Variants in LRRC4C observed in about 807,000 individuals in gnomAD.
LRRC4C encodes the protein leucine rich repeat containing 4C.
A neutral mutation model predicts 33.6 loss-of-function variants in LRRC4C; 5 were observed. The ratio of observed to expected loss-of-function variants is 0.15; its 90% CI spans 0.08 to 0.31. The LOEUF is 0.31. Among genes scored for constraint, LRRC4C ranks in the 10% least tolerant of loss-of-function variants. LRRC4C has a pLI of 1.00. For missense variants in LRRC4C, 560 were observed against 796.7 expected, an observed-to-expected ratio of 0.70 and a Z score of 3.58; for synonymous variants, 329 against 302.0, an observed-to-expected ratio of 1.09 and a Z score of -0.93.
intron 3 of LRRC4C, among the ~76,000 whole-genome samples, chr11:40,610,267 C>T (rs991132606): frequency 1.9e-4 from 29 of 151,420 alleles, no homozygotes; most frequent in Admixed American, 4.6e-4. Context: ...ATGAACTAAA[C>T]GAAAGATAAA....
intron 1 of LRRC4C, among the ~76,000 whole-genome samples, chr11:41,335,298 G>C (rs1388472789): frequency 1.3e-5 from 2 of 152,168 alleles, no homozygotes; most frequent in Non-Finnish European, 2.9e-5. Context: ...AAAAATATTA[G>C]AGTAGTAAAT....
chr11:40,148,795 A>G (rs1189822221), intron 5 of LRRC4C, among the ~76,000 whole-genome samples: 1 of 152,146 alleles, frequency 6.6e-6, no homozygotes, highest in African/African-American at 2.4e-5. Context: ...ATTGTCTTCC[A>G]GAGTTTTTAT....
At chr11:40,679,229 G>C (rs1016393600) in intron 2 of LRRC4C, among the ~76,000 whole-genome samples, 4 of 152,122 alleles carry the variant, frequency 2.6e-5, no homozygotes, top group Non-Finnish European at 4.4e-5. Context: ...AAGCAGCAAA[G>C]AATTCAAGAG....
intron 2 of LRRC4C, among the ~76,000 whole-genome samples, chr11:40,720,973 A>C (rs920084508): frequency 3.3e-5 from 5 of 152,296 alleles, no homozygotes; most frequent in Admixed American, 2.6e-4. Context: ...GAGCCTATTC[A>C]TTATAGGAAG....
intron 4 of LRRC4C, among the ~76,000 whole-genome samples, chr11:40,271,585 C>T (rs1327573860): frequency 2.6e-5 from 4 of 152,120 alleles, no homozygotes; most frequent in Non-Finnish European, 4.4e-5. Flanking sequence ...GAAACAGCTT[C>T]GATGAATGTA....
intron 1 of LRRC4C, among the ~76,000 whole-genome samples, chr11:41,122,660 T>A (rs1398932086): frequency 6.6e-6 from 1 of 151,844 alleles, no homozygotes; most frequent in African/African-American, 2.4e-5. Context: ...ATCAAATAAG[T>A]TAAGAAAAAA....
At chr11:40,493,001 GA>G (rs1383867618) in intron 3 of LRRC4C, among the ~76,000 whole-genome samples, 2 of 151,632 alleles carry the variant, frequency 1.3e-5, no homozygotes, top group African/African-American at 4.8e-5. Flanking sequence ...CTTGAAAGTG[GA>G]AAACAGTGGC....
chr11:40,781,579 G>A (rs1950211995), intron 2 of LRRC4C, among the ~76,000 whole-genome samples: 1 of 152,114 alleles, frequency 6.6e-6, no homozygotes. Flanking sequence ...TGGCATAATA[G>A]TTCCTTTACC....
At chr11:40,615,156 A>T (rs4237679) in intron 3 of LRRC4C, among the ~76,000 whole-genome samples, 39,576 of 150,042 alleles carry the variant, frequency 0.26, 6,442 homozygotes, top group Middle Eastern at 0.4. Context: ...ATAATGTCTG[A>T]TGAGTACGGA....
At chr11:41,199,895 A>G (rs1251813517) in intron 1 of LRRC4C, among the ~76,000 whole-genome samples, 2 of 152,116 alleles carry the variant, frequency 1.3e-5, no homozygotes, top group Non-Finnish European at 1.5e-5. Flanking sequence ...GCCCAGATAA[A>G]ATATATACAT....
intron 1 of LRRC4C, among the ~76,000 whole-genome samples, chr11:41,178,937 G>A (rs1945326093): frequency 6.6e-6 from 1 of 152,044 alleles, no homozygotes; most frequent in Non-Finnish European, 1.5e-5. Flanking sequence ...TCCTGACCTT[G>A]TGATCCACCC....
intron 1 of LRRC4C, among the ~76,000 whole-genome samples, chr11:41,100,342 T>C (rs1941092090): frequency 6.6e-6 from 1 of 151,826 alleles, no homozygotes; most frequent in Admixed American, 6.6e-5. Flanking sequence ...CCGAGGTGGG[T>C]GGATCCTGAG....
At chr11:40,661,877 A>T (rs1226102678) in intron 2 of LRRC4C, among the ~76,000 whole-genome samples, 3 of 152,132 alleles carry the variant, frequency 2.0e-5, no homozygotes, top group Non-Finnish European at 2.9e-5. Context: ...CCAACTCTAA[A>T]CCCCAAATAT....
chr11:41,167,561 G>A (rs943178788), intron 1 of LRRC4C, among the ~76,000 whole-genome samples: 1 of 152,150 alleles, frequency 6.6e-6, no homozygotes, highest in Non-Finnish European at 1.5e-5. Flanking sequence ...AAACTGTGGG[G>A]AAACACTTCA....
chr11:41,252,695 C>T, intron 1 of LRRC4C, among the ~76,000 whole-genome samples: 1 of 152,120 alleles, frequency 6.6e-6, no homozygotes. Flanking sequence ...ATACTTGAGA[C>T]TGGGTAATTT....
intron 1 of LRRC4C, among the ~76,000 whole-genome samples, chr11:41,058,615 T>C (rs1171292146): frequency 2.0e-5 from 3 of 152,244 alleles, no homozygotes; most frequent in African/African-American, 7.2e-5. Context: ...GATGGGAATG[T>C]GTACTATTTC....
chr11:40,884,644 T>A (rs1483989802), intron 2 of LRRC4C, among the ~76,000 whole-genome samples: 1 of 152,140 alleles, frequency 6.6e-6, no homozygotes, highest in Non-Finnish European at 1.5e-5. Context: ...GTTATTTCTA[T>A]ATCACTGGAC....
chr11:40,800,042 G>T (rs1359570713), intron 2 of LRRC4C, among the ~76,000 whole-genome samples: 1 of 152,128 alleles, frequency 6.6e-6, no homozygotes, highest in Non-Finnish European at 1.5e-5. Context: ...GAGGGAAAAA[G>T]AACAATGTTT....
At chr11:40,393,705 C>A (rs529099840) in intron 3 of LRRC4C, among the ~76,000 whole-genome samples, 2 of 152,100 alleles carry the variant, frequency 1.3e-5, no homozygotes, top group Non-Finnish European at 2.9e-5. Flanking sequence ...TTGACTAATA[C>A]GACAGCAGGA....
Sources: allele counts gnomAD v4.1 joint callset (sites outside exome capture counted in the v4.1 genomes callset), GRCh38; gene constraint gnomAD v4.1.1; transcripts MANE v1.5; gene names NCBI Gene and HGNC (gene_info 2026-07-23, HGNC 2026-07-21).